The following MMP26 variants were observed in gnomAD, a reference collection of about 807,000 sequenced individuals.
The protein encoded by MMP26 is matrix metallopeptidase 26, also known as matrix metalloproteinase-26.
Under a neutral mutation model 31.0 loss-of-function variants are expected in MMP26, and 33 were observed. The observed-to-expected ratio is 1.06, with a 90% CI of 0.81 to 1.42. The LOEUF (loss-of-function observed/expected upper bound fraction) is 1.42, where lower values mean the gene tolerates loss of function less well. Ranked by LOEUF, MMP26 falls within the 40% of genes most tolerant of loss-of-function variation. The pLI is 0.00. For missense variants in MMP26, 347 were observed against 316.1 expected, an observed-to-expected ratio of 1.10 and a Z score of -0.74; for synonymous variants, 122 against 114.9, an observed-to-expected ratio of 1.06 and a Z score of -0.40.
chr11:4,769,301 A>G (rs1848676970), intron 2 of MMP26: 1 of 1,613,494 alleles, frequency 6.2e-7, no homozygotes, highest in African/African-American at 1.3e-5. Context: ...AGTGGTCAGG[A>G]TGAGATCAAT....
chr11:4,911,281 G>A (rs1190807139), intron 2 of MMP26, among the ~76,000 whole-genome samples: 6 of 152,104 alleles, frequency 3.9e-5, no homozygotes, highest in Non-Finnish European at 7.4e-5. Context: ...CTTTGCTTAG[G>A]ATGCTATTTT....
At chr11:4,733,947 C>G (rs897280583) in intron 1 of MMP26, among the ~76,000 whole-genome samples, 1 of 152,008 alleles carries the variant, frequency 6.6e-6, no homozygotes, top group Non-Finnish European at 1.5e-5. Flanking sequence ...AGTTTTTGTT[C>G]TTTATCCTAT....
At chr11:4,746,831 TCACACACA>T (rs3223670) in intron 1 of MMP26, among the ~76,000 whole-genome samples, 2,245 of 137,176 alleles carry the variant, frequency 0.016, 22 homozygotes, top group Middle Eastern at 0.018. Context: ...TAAGTCTCTG[TCACACACA>T]CACACACACA....
At chr11:4,978,875 G>T (rs1454174949) in intron 2 of MMP26, among the ~76,000 whole-genome samples, 1 of 151,968 alleles carries the variant, frequency 6.6e-6, no homozygotes, top group African/African-American at 2.4e-5. Flanking sequence ...TGAGGTGTTG[G>T]GTCTGATAAG....
chr11:4,708,305 G>T (rs1352313737), intron 1 of MMP26, among the ~76,000 whole-genome samples: 1 of 152,148 alleles, frequency 6.6e-6, no homozygotes, highest in African/African-American at 2.4e-5. Flanking sequence ...ACTCAAAGAG[G>T]CTTCCTGTAT....
intron 2 of MMP26, among the ~76,000 whole-genome samples, chr11:4,812,609 AG>A (rs1331812685): frequency 6.6e-6 from 1 of 152,224 alleles, no homozygotes; most frequent in East Asian, 1.9e-4. Context: ...GCAGGTGCAA[AG>A]GGTTGGATAG....
chr11:4,904,289 C>G (rs1850849350), intron 2 of MMP26, among the ~76,000 whole-genome samples: 1 of 152,004 alleles, frequency 6.6e-6, no homozygotes, highest in African/African-American at 2.4e-5. Flanking sequence ...GGGTAAATTG[C>G]CATGCTGAGA....
intron 2 of MMP26, among the ~76,000 whole-genome samples, chr11:4,975,674 C>T (rs1394198566): frequency 6.6e-6 from 1 of 151,982 alleles, no homozygotes; most frequent in Admixed American, 6.6e-5. Flanking sequence ...GAAACACAGC[C>T]AGTTCAGGCT....
In MMP26 at chr11:4,971,127, G is replaced by A. The variant is rs534220193; in HGVS notation, c.-144-16941G>A. On this transcript the variant is annotated intron_variant, in intron 2 of 7. Transcript: ENST00000380390. ...AATTTTAATCAAAATAAGGATCCAG[G>A]AAGAACACATACCCCAAAAGTTGAG... Among the ~76,000 whole-genome samples the A allele has an allele frequency of 1.2e-3, 190 of 152,254 alleles. 1 individual carries two copies. The highest frequency in any genetic ancestry group is 4.3e-3 in the African/African-American group (179 of 41,556).
chr11:4,941,669 C>A (rs117437429), intron 2 of MMP26, among the ~76,000 whole-genome samples: 2,774 of 152,190 alleles, frequency 0.018, 34 homozygotes, highest in Middle Eastern at 0.037. Flanking sequence ...GACTATCATG[C>A]TACATTTTCT....
In MMP26 at chr11:4,951,129, T is replaced by C. The variant is rs1407990905; in HGVS notation, c.-144-36939T>C. ...AAAGACTCTAATATTCATCAACATG[T>C]GAATGGGTAAAATTGAATTAGGTAT... On this transcript the variant is annotated intron_variant, in intron 2 of 7. Coordinates refer to ENST00000380390, the MANE Select transcript of MMP26 (RefSeq NM_021801.5). 7.2e-5 allele frequency among the ~76,000 whole-genome samples: 9 copies of C among 124,962 alleles called. 4 individuals carry two copies. Among genetic ancestry groups the C allele is most frequent in the African/African-American group, 1.9e-4 (7 of 36,836 alleles). The allele number at this position is 124,962 out of a possible 152,430, so 82.0% of individuals were successfully genotyped here.
chr11:4,935,311 C>T (rs1440041205), intron 2 of MMP26, among the ~76,000 whole-genome samples: 3 of 151,418 alleles, frequency 2.0e-5, no homozygotes, highest in Admixed American at 1.3e-4. Context: ...AAGTTGGATT[C>T]CTAGGTATTT....
intron 2 of MMP26, chr11:4,914,850 G>T: frequency 6.2e-7 from 1 of 1,614,054 alleles, no homozygotes; most frequent in Non-Finnish European, 8.5e-7. Flanking sequence ...TGGGGTGCCT[G>T]CTTTCCAAAG....
chr11:4,874,565 G>GGTGTGTGTGT (rs35692032), intron 2 of MMP26, among the ~76,000 whole-genome samples: 6,165 of 149,070 alleles, frequency 0.041, 174 homozygotes, highest in African/African-American at 0.075. Context: ...GTGGTGTGTT[G>GGTGTGTGTGT]GTGTGTGTGT....
At chr11:4,809,933 G>A (rs1252476163) in intron 2 of MMP26, among the ~76,000 whole-genome samples, 1 of 149,508 alleles carries the variant, frequency 6.7e-6, no homozygotes, top group Non-Finnish European at 1.5e-5. Context: ...AACCAAGCAT[G>A]GCATGGCCAG....
At chr11:4,911,767 A>T (rs1023669195) in intron 2 of MMP26, among the ~76,000 whole-genome samples, 1 of 152,088 alleles carries the variant, frequency 6.6e-6, no homozygotes, top group East Asian at 1.9e-4. Flanking sequence ...TTACCCCACT[A>T]TGTTTCCTTC....
chr11:4,891,899 A>C (rs1850629355), intron 2 of MMP26, among the ~76,000 whole-genome samples: 1 of 152,078 alleles, frequency 6.6e-6, no homozygotes, highest in African/African-American at 2.4e-5. Flanking sequence ...TTCTCCCTGG[A>C]ATTATAAGGT....
chr11:4,884,608 A>C lies in MMP26; in HGVS notation c.-144-103460A>C, dbSNP rs538490164. ...GCAGAGCAGACGTCCCAGAACACAC[A>C]CTAATCTAACCATCCAAACTTTTCT... is the stretch of plus-strand genomic sequence containing the variant. On this transcript the variant is annotated intron_variant, in intron 2 of 7. Transcript: ENST00000380390. Among the ~76,000 whole-genome samples the C allele has an allele frequency of 5.9e-5, 9 of 152,242 alleles. 1 individual carries two copies. The South Asian group carries it at 1.9e-3, about 31-fold the overall frequency.
intron 2 of MMP26, among the ~76,000 whole-genome samples, chr11:4,932,796 C>T (rs1851369591): frequency 1.3e-5 from 2 of 152,142 alleles, no homozygotes; most frequent in African/African-American, 4.8e-5. Context: ...CCCAAAGTCA[C>T]TTTCTCAATT....
Sources: allele counts gnomAD v4.1 joint callset (sites outside exome capture counted in the v4.1 genomes callset), GRCh38; gene constraint gnomAD v4.1.1; transcripts MANE v1.5; gene names NCBI Gene and HGNC (gene_info 2026-07-23, HGNC 2026-07-21).